The following DLG2 variants were observed in gnomAD, a reference collection of about 807,000 sequenced individuals.
DLG2 encodes discs large MAGUK scaffold protein 2, also known as disks large homolog 2.
Under a neutral mutation model 132.5 loss-of-function variants are expected in DLG2, and 45 were observed. The observed-to-expected ratio is 0.34, with a 90% CI of 0.27 to 0.44. The LOEUF (loss-of-function observed/expected upper bound fraction) is 0.44, where lower values mean the gene tolerates loss of function less well. DLG2 is among the 20% of genes least tolerant of loss of function. The pLI, the probability that DLG2 is intolerant of heterozygous loss-of-function variation, is 1.00. For missense variants in DLG2, 1,045 were observed against 1,196.9 expected (o/e 0.87, Z 1.87); for synonymous variants, 424 against 419.6 (o/e 1.01, Z -0.13).
At chr11:85,134,049 G>GGAGAGTGAGA (rs1242955138) in intron 5 of DLG2, among the ~76,000 whole-genome samples, 5 of 149,064 alleles carry the variant, frequency 3.4e-5, no homozygotes, top group South Asian at 2.1e-4. Flanking sequence ...GGAGAGTGAG[G>GGAGAGTGAGA]GAGAGTGAGA....
At chr11:84,749,149 C>T (rs1226924155) in intron 6 of DLG2, among the ~76,000 whole-genome samples, 2 of 152,174 alleles carry the variant, frequency 1.3e-5, no homozygotes, top group Non-Finnish European at 2.9e-5. Flanking sequence ...TTTTTTTGGT[C>T]TTTCAGTAAA....
intron 19 of DLG2, among the ~76,000 whole-genome samples, chr11:83,596,430 C>T (rs1238269276): frequency 6.6e-6 from 1 of 152,098 alleles, no homozygotes; most frequent in Non-Finnish European, 1.5e-5. Context: ...TGTTGCCTTG[C>T]TCCTCTTCAT....
chr11:84,978,657 A>T (rs972222600), intron 6 of DLG2, among the ~76,000 whole-genome samples: 1 of 152,194 alleles, frequency 6.6e-6, no homozygotes, highest in Non-Finnish European at 1.5e-5. Flanking sequence ...GTTATACAAA[A>T]ATTAATTCAA....
intron 19 of DLG2, among the ~76,000 whole-genome samples, chr11:83,575,778 C>G (rs983530031): frequency 6.6e-6 from 1 of 152,056 alleles, no homozygotes; most frequent in Non-Finnish European, 1.5e-5. Context: ...AAGAGATCAG[C>G]AAAACTTGAA....
At chr11:83,833,087 G>A (rs1243172651) in intron 17 of DLG2, among the ~76,000 whole-genome samples, 9 of 152,054 alleles carry the variant, frequency 5.9e-5, no homozygotes, top group Non-Finnish European at 1.0e-4. Flanking sequence ...TAGCACCTTC[G>A]CCTTTATTTG....
intron 6 of DLG2, among the ~76,000 whole-genome samples, chr11:84,894,892 C>CCG (rs1177122781): frequency 7.4e-6 from 1 of 134,484 alleles, no homozygotes; most frequent in Non-Finnish European, 1.7e-5. Context: ...AGACCCCTTG[C>CCG]GGATTCTGAG....
chr11:84,597,234 G>GA (rs764668274), intron 6 of DLG2, among the ~76,000 whole-genome samples: 37 of 149,942 alleles, frequency 2.5e-4, no homozygotes, highest in East Asian at 2.3e-3. Context: ...AAAGAAAAAA[G>GA]AAAAAAAAAT....
chr11:85,060,455 ATG>A (rs111687482), intron 6 of DLG2, among the ~76,000 whole-genome samples: 2,543 of 148,446 alleles, frequency 0.017, 33 homozygotes, highest in African/African-American at 0.034. Flanking sequence ...GCATATGCAT[ATG>A]TGTGTGTGTG....
intron 6 of DLG2, among the ~76,000 whole-genome samples, chr11:84,956,850 G>C (rs947404790): frequency 4.6e-5 from 7 of 152,192 alleles, no homozygotes; most frequent in African/African-American, 1.7e-4. Context: ...AACTTCAGAA[G>C]AGTTGGTTTA....
chr11:84,616,041 G>A (rs1183203262), intron 6 of DLG2, among the ~76,000 whole-genome samples: 29 of 151,854 alleles, frequency 1.9e-4, no homozygotes, highest in Admixed American at 1.9e-3. Flanking sequence ...TATTACAAAT[G>A]ACAAAAAAGT....
At chr11:85,335,401 T>A (rs528684679) in intron 3 of DLG2, among the ~76,000 whole-genome samples, 2 of 152,306 alleles carry the variant, frequency 1.3e-5, no homozygotes, top group Admixed American at 6.5e-5. Flanking sequence ...ATTGGGGCAT[T>A]TAGCCCATTT....
intron 6 of DLG2, among the ~76,000 whole-genome samples, chr11:84,931,064 C>T (rs2048023971): frequency 6.6e-6 from 1 of 152,118 alleles, no homozygotes; most frequent in Admixed American, 6.6e-5. Context: ...CTCCACACTT[C>T]TGGGCAGATT....
At chr11:85,277,389 T>C (rs1207874699) in intron 4 of DLG2, among the ~76,000 whole-genome samples, 2 of 152,172 alleles carry the variant, frequency 1.3e-5, no homozygotes, top group Admixed American at 6.6e-5. Flanking sequence ...CAGTTAAATA[T>C]CTTTGCATCA....
chr11:84,567,457 C>T (rs1042303515), intron 6 of DLG2, among the ~76,000 whole-genome samples: 3 of 152,292 alleles, frequency 2.0e-5, no homozygotes, highest in Admixed American at 1.3e-4. Context: ...TTGATGATCC[C>T]TTGATGGATC....
chr11:85,570,793 T>C (rs1471194711), intron 3 of DLG2, among the ~76,000 whole-genome samples: 1 of 152,148 alleles, frequency 6.6e-6, no homozygotes, highest in Non-Finnish European at 1.5e-5. Context: ...GTTCACTTTT[T>C]TCATTTGTTT....
chr11:85,289,386 C>G (rs2078754496), intron 3 of DLG2, among the ~76,000 whole-genome samples: 1 of 152,096 alleles, frequency 6.6e-6, no homozygotes, highest in Non-Finnish European at 1.5e-5. Context: ...TAGAAATCCT[C>G]CTTCTCCTTC....
intron 6 of DLG2, among the ~76,000 whole-genome samples, chr11:84,588,472 T>C (rs887227191): frequency 5.9e-5 from 9 of 152,182 alleles, no homozygotes; most frequent in African/African-American, 2.2e-4. Flanking sequence ...CAGATAGCTA[T>C]GATTTATCCC....
intron 6 of DLG2, among the ~76,000 whole-genome samples, chr11:84,707,553 C>G (rs781029364): frequency 2.0e-5 from 3 of 151,816 alleles, no homozygotes; most frequent in Non-Finnish European, 4.4e-5. Context: ...TAACTACATA[C>G]TCTTATCCAT....
rs868330673 is a variant in DLG2 at position 85,092,425 on chromosome 11, A to G, written c.357+19236T>C. Among the ~76,000 whole-genome samples the G allele has an allele frequency of 2.8e-4, 43 of 152,310 alleles. No individual in the cohort carries two copies. The Middle Eastern group carries it at 0.01, about 36-fold the overall frequency. ...AATATAATTCTGAAAAAATAATTTT[A>G]AAATTTATTTAAAAGACACTTATTT... On this transcript the variant is annotated intron_variant, in intron 6 of 27. Coordinates refer to ENST00000376104, the MANE Select transcript of DLG2 (RefSeq NM_001142699.3).
Sources: allele counts gnomAD v4.1 joint callset (sites outside exome capture counted in the v4.1 genomes callset), GRCh38; gene constraint gnomAD v4.1.1; transcripts MANE v1.5; gene names NCBI Gene and HGNC (gene_info 2026-07-23, HGNC 2026-07-21).